The following INVS variants were observed in gnomAD, a reference collection of about 807,000 sequenced individuals.
The protein encoded by INVS is inversion of embryo turning homolog.
In INVS, 86 loss-of-function variants were observed where a neutral mutation model predicts 108.8. That is an observed-to-expected ratio of 0.79 (90% confidence interval 0.66 to 0.95). The LOEUF (loss-of-function observed/expected upper bound fraction) is 0.95, where lower values mean the gene tolerates loss of function less well. INVS is among the 40% of genes least tolerant of loss of function. The pLI, the probability that INVS is intolerant of heterozygous loss-of-function variation, is 0.00. For synonymous variants in INVS, 455 were observed against 473.5 expected, an observed-to-expected ratio of 0.96 and a Z score of 0.51; for missense variants, 1,169 against 1,297.4, an observed-to-expected ratio of 0.90 and a Z score of 1.52.
intron 3 of INVS, among the ~76,000 whole-genome samples, chr9:100,141,833 G>A (rs1023267048): frequency 1.3e-5 from 2 of 152,282 alleles, no homozygotes; most frequent in South Asian, 2.1e-4. Context: ...ACGGGCTAGC[G>A]GCTTGTAACC....
intron 1 of INVS, chr9:100,102,810 G>A (rs1271680118): frequency 1.3e-5 from 2 of 152,208 alleles, no homozygotes; most frequent in African/African-American, 4.8e-5. Flanking sequence ...CTGCCCTCCA[G>A]CCTAGGTAAC....
chr9:100,266,413 G>A (rs1832795077), intron 11 of INVS, among the ~76,000 whole-genome samples: 1 of 152,164 alleles, frequency 6.6e-6, no homozygotes, highest in Non-Finnish European at 1.5e-5. Flanking sequence ...TTGATGATAT[G>A]CTAACCAAGG....
intron 11 of INVS, among the ~76,000 whole-genome samples, chr9:100,265,137 G>A (rs547454244): frequency 6.6e-6 from 1 of 152,018 alleles, no homozygotes; most frequent in South Asian, 2.1e-4. Context: ...TAGAGATGGG[G>A]TTTCACCATG....
In INVS at chr9:100,201,409, G is replaced by A. The variant is rs1481064461; in HGVS notation, c.274-24653G>A. 3.3e-5 allele frequency among the ~76,000 whole-genome samples: 5 copies of A among 152,326 alleles called. No individual in the cohort carries two copies. The East Asian group carries it at 9.6e-4, about 29-fold the overall frequency. ...TTCCAAAGCAACTAGTTATGCAGACGTCTTTGAAAAGATAGTCCAAATTAC... is the reference window on the plus strand; with the variant it reads ...TTCCAAAGCAACTAGTTATGCAGACATCTTTGAAAAGATAGTCCAAATTAC... On this transcript the variant is annotated intron_variant, in intron 3 of 16. Coordinates refer to ENST00000262457, the MANE Select transcript of INVS (RefSeq NM_014425.5).
rs60762136 is a variant in INVS, at chr9:100,189,106, C to CTTTT, written c.274-36938_274-36935dup. Among the ~76,000 whole-genome samples, 215 of 69,402 alleles carry CTTTT rather than the reference C, an allele frequency of 3.1e-3. 4 individuals are homozygous for CTTTT. The highest frequency in any genetic ancestry group is 3.6e-3 in the Non-Finnish European group (134 of 37,120). 45.5% of individuals were successfully genotyped at this position (69,402 alleles called of 152,430 possible). A position where few individuals can be genotyped will look rare whatever the true frequency, so the allele number is the denominator to read the frequency against. On this transcript the variant is annotated intron_variant, in intron 3 of 16. Coordinates refer to ENST00000262457, the MANE Select transcript of INVS (RefSeq NM_014425.5). ...TTCTAATGGAACTTATTTGCATCTT[C>CTTTT]TTTTTTTTTTTTTTTTTTTTTGGTT... is the stretch of plus-strand genomic sequence containing the variant.
intron 3 of INVS, among the ~76,000 whole-genome samples, chr9:100,138,998 G>A (rs1039681801): frequency 3.3e-5 from 5 of 152,204 alleles, no homozygotes; most frequent in East Asian, 3.9e-4. Flanking sequence ...GAGCCACCGC[G>A]CCCGGCCTTA....
chr9:100,259,299 G>A (rs781106722), intron 10 of INVS, among the ~76,000 whole-genome samples: 1 of 152,232 alleles, frequency 6.6e-6, no homozygotes, highest in African/African-American at 2.4e-5. Context: ...GGAGTGTCCC[G>A]ATTTTCCAGG....
chr9:100,105,354 T>C (rs1468826286), intron 2 of INVS, among the ~76,000 whole-genome samples: 2 of 152,198 alleles, frequency 1.3e-5, no homozygotes, highest in African/African-American at 4.8e-5. Context: ...ATTTGCAGTT[T>C]CTCCAGGAAC....
chr9:100,159,948 A>G (rs1406417997), intron 3 of INVS, among the ~76,000 whole-genome samples: 2 of 152,106 alleles, frequency 1.3e-5, no homozygotes, highest in African/African-American at 2.4e-5. Context: ...TCCCCAAACT[A>G]TGTGTCCTCA....
intron 2 of INVS, among the ~76,000 whole-genome samples, chr9:100,110,012 G>C (rs1827294266): frequency 6.6e-6 from 1 of 152,170 alleles, no homozygotes; most frequent in Admixed American, 6.5e-5. Flanking sequence ...AGATACGGAA[G>C]TGAGCCTCAT....
intron 5 of INVS, among the ~76,000 whole-genome samples, 200 bp downstream of exon 5, chr9:100,230,027 A>G (rs1341966930): frequency 6.6e-6 from 1 of 152,146 alleles, no homozygotes; most frequent in Non-Finnish European, 1.5e-5. Flanking sequence ...CCTATGTCCC[A>G]GTTTTTAAAC....
intron 2 of INVS, among the ~76,000 whole-genome samples, chr9:100,122,576 CTTTTTTTTTTTTT>C (rs1161036698): frequency 3.5e-5 from 2 of 57,532 alleles, no homozygotes; most frequent in African/African-American, 1.3e-4. Context: ...AAGTGAGTTT[CTTTTTTTTTTTTT>C]TTTTTTTTTT....
intron 3 of INVS, 24 bp downstream of exon 3, chr9:100,126,573 G>A: frequency 1.2e-6 from 2 of 1,611,674 alleles, no homozygotes; most frequent in Non-Finnish European, 1.7e-6. Context: ...TTTCCTTGAA[G>A]AGTAAATGTT....
chr9:100,161,335 G>T (rs1324948164), intron 3 of INVS, among the ~76,000 whole-genome samples: 1 of 123,144 alleles, frequency 8.1e-6, no homozygotes, highest in African/African-American at 3.1e-5. Flanking sequence ...CTCCAGCCCA[G>T]CCTGGACGAC....
chr9:100,291,312 G>A (rs1034059176), intron 13 of INVS, among the ~76,000 whole-genome samples: 2 of 151,826 alleles, frequency 1.3e-5, no homozygotes, highest in Admixed American at 1.3e-4. Context: ...TTCCTGCCTC[G>A]GCCTCCCAAA....
chr9:100,157,208 T>C (rs1201162260), intron 3 of INVS, among the ~76,000 whole-genome samples: 1 of 151,340 alleles, frequency 6.6e-6, no homozygotes, highest in African/African-American at 2.4e-5. Context: ...ACCACAGTTA[T>C]ACATATGTAT....
intron 2 of INVS, among the ~76,000 whole-genome samples, chr9:100,124,544 A>AT (rs1340639339): frequency 1.3e-4 from 16 of 122,802 alleles, no homozygotes; most frequent in Non-Finnish European, 8.5e-5. Flanking sequence ...TGAGACCCTC[A>AT]TTAAAAAAAA....
chr9:100,271,990 T>G (rs764648818), intron 11 of INVS, among the ~76,000 whole-genome samples: 1 of 152,108 alleles, frequency 6.6e-6, no homozygotes, highest in African/African-American at 2.4e-5. Context: ...TGCCTTAGCC[T>G]TCTGAGTAGC....
At chr9:100,274,501 T>C (rs923223017) in intron 12 of INVS, among the ~76,000 whole-genome samples, 2 of 151,916 alleles carry the variant, frequency 1.3e-5, no homozygotes, top group Non-Finnish European at 2.9e-5. Context: ...GATAAAGATG[T>C]GGACAGGCAG....
Sources: allele counts gnomAD v4.1 joint callset (sites outside exome capture counted in the v4.1 genomes callset), GRCh38; gene constraint gnomAD v4.1.1; transcripts MANE v1.5; gene names NCBI Gene and HGNC (gene_info 2026-07-23, HGNC 2026-07-21).